The following FAM227A variants were observed in gnomAD, a reference collection of about 807,000 sequenced individuals.
The protein encoded by FAM227A is family with sequence similarity 227 member A.
FAM227A carries 80 observed loss-of-function variants against 74.7 expected under a neutral mutation model. The ratio of observed to expected loss-of-function variants is 1.07; its 90% CI spans 0.89 to 1.29. The LOEUF is 1.29. Among genes scored for constraint, FAM227A ranks in the 50% most tolerant of loss-of-function variants. The pLI, the probability that FAM227A is intolerant of heterozygous loss-of-function variation, is 0.00. For missense variants in FAM227A, 654 were observed against 683.4 expected, an observed-to-expected ratio of 0.96 and a Z score of 0.48; for synonymous variants, 237 against 241.8, an observed-to-expected ratio of 0.98 and a Z score of 0.19.
intron 5 of FAM227A, among the ~76,000 whole-genome samples, chr22:38,637,274 T>A (rs1339700855): frequency 6.6e-6 from 1 of 152,208 alleles, no homozygotes; most frequent in Non-Finnish European, 1.5e-5. Flanking sequence ...TATATCCTGT[T>A]AAGACGTGCT....
chr22:38,626,889 AAAATATATATATATAT>A lies in FAM227A; in HGVS notation c.727-602_727-587del, dbSNP rs1476499712. ...TCAAAAAAAAAAAAAAAAAAAAAAA[AAAATATATATATATAT>A]ATATATATACACGTATATATATTCT... On this transcript the variant is annotated intron_variant, in intron 8 of 16. Transcript: ENST00000535113. Among the ~76,000 whole-genome samples the A allele has an allele frequency of 1.7e-3, 144 of 86,488 alleles. 2 individuals are homozygous for A. The highest frequency in any genetic ancestry group is 7.6e-3 in the African/African-American group (135 of 17,874). 56.7% of individuals were successfully genotyped at this position (86,488 alleles called of 152,430 possible).
chr22:38,587,458 C>G (rs1026920740), intron 16 of FAM227A, among the ~76,000 whole-genome samples: 2 of 151,950 alleles, frequency 1.3e-5, no homozygotes, highest in Non-Finnish European at 2.9e-5. Flanking sequence ...AATACAAATG[C>G]CAATAAATTA....
intron 2 of FAM227A, among the ~76,000 whole-genome samples, chr22:38,647,361 C>T (rs895613886): frequency 3.3e-5 from 5 of 151,048 alleles, no homozygotes; most frequent in Admixed American, 3.3e-4. Flanking sequence ...GCTACTTGAG[C>T]GCTGAGGCAG....
intron 11 of FAM227A, among the ~76,000 whole-genome samples, chr22:38,619,574 T>C (rs1402007211): frequency 6.6e-6 from 1 of 152,194 alleles, no homozygotes; most frequent in Non-Finnish European, 1.5e-5. Flanking sequence ...TCTGCCTGCC[T>C]TGGGCTCCCA....
Position 38,653,136 on chromosome 22 carries a change from C to G in FAM227A, c.-94-2874G>C, listed in dbSNP as rs555070517. Among the ~76,000 whole-genome samples the G allele has an allele frequency of 3.3e-5, 5 of 152,200 alleles. 1 individual carries two copies. The East Asian group carries it at 9.7e-4, about 29-fold the overall frequency. ...CAGATGAGCTTCAACATTAGATTCTCATAGGAGTGCAAACCCTATTATGAA... is the reference window on the plus strand; with the variant it reads ...CAGATGAGCTTCAACATTAGATTCTGATAGGAGTGCAAACCCTATTATGAA... On this transcript the variant is annotated intron_variant, in intron 1 of 16. Coordinates refer to ENST00000535113, the MANE Select transcript of FAM227A (RefSeq NM_001013647.2).
rs569182375 is a variant in FAM227A, at chr22:38,640,180, C to T, written c.226-456G>A. 1.8e-4 allele frequency among the ~76,000 whole-genome samples: 28 copies of T among 152,084 alleles called. 1 individual carries two copies. In the East Asian group the frequency reaches 5.2e-3, roughly 28 times the overall value. ...TCCCGAGTAGCTGGGACTACAGGCGCCTGCCACCACGCCCGGCTAATTTTT... is the reference window on the plus strand; with the variant it reads ...TCCCGAGTAGCTGGGACTACAGGCGTCTGCCACCACGCCCGGCTAATTTTT... On this transcript the variant is annotated intron_variant, in intron 3 of 16. Transcript: ENST00000535113.
At chr22:38,647,126 G>A (rs184131216) in intron 2 of FAM227A, among the ~76,000 whole-genome samples, 89 of 150,606 alleles carry the variant, frequency 5.9e-4, no homozygotes, top group Admixed American at 1.2e-3. Context: ...TCCAGCCCGT[G>A]CGATGGTGCG....
intron 3 of FAM227A, among the ~76,000 whole-genome samples, 183 bp from the exon 4 acceptor site, chr22:38,639,907 CAG>C (rs770212520): frequency 5.3e-5 from 8 of 152,304 alleles, no homozygotes; most frequent in Non-Finnish European, 1.2e-4. Flanking sequence ...CATCATCCCC[CAG>C]AGTGTCCCCA....
chr22:38,597,170 G>A (rs369551466), intron 15 of FAM227A, 34 bp downstream of exon 15: 292 of 1,547,822 alleles, frequency 1.9e-4, no homozygotes, highest in Admixed American at 5.1e-4. Context: ...AGATAAGTGC[G>A]GAACAACGGC....
intron 16 of FAM227A, among the ~76,000 whole-genome samples, chr22:38,590,113 C>A (rs750003094): frequency 6.7e-6 from 1 of 150,048 alleles, no homozygotes; most frequent in African/African-American, 2.5e-5. Flanking sequence ...CAAAACAAAA[C>A]AAAAAAACGA....
intron 2 of FAM227A, 67 bp downstream of exon 2, chr22:38,649,960 A>C: frequency 7.0e-7 from 1 of 1,427,954 alleles, no homozygotes; most frequent in Non-Finnish European, 9.6e-7. Context: ...CACTGATTAG[A>C]TCTCTGTGGC....
At chr22:38,600,187 T>C (rs988927219) in intron 13 of FAM227A, among the ~76,000 whole-genome samples, 11 of 152,228 alleles carry the variant, frequency 7.2e-5, no homozygotes, top group African/African-American at 2.6e-4. Flanking sequence ...AGGAATGGTA[T>C]GTCACTATTA....
At chr22:38,654,258 G>A (rs910968397) in intron 1 of FAM227A, among the ~76,000 whole-genome samples, 5 of 152,022 alleles carry the variant, frequency 3.3e-5, no homozygotes, top group African/African-American at 1.2e-4. Context: ...TGAGGCAGGA[G>A]AATTGCTTGA....
chr22:38,600,219 A>G (rs1390658821), intron 13 of FAM227A, among the ~76,000 whole-genome samples: 1 of 152,098 alleles, frequency 6.6e-6, no homozygotes, highest in Non-Finnish European at 1.5e-5. Context: ...AAGAGTTGAT[A>G]ACCTAAAAAA....
At chr22:38,613,113 AT>A (rs1333319289) in intron 11 of FAM227A, among the ~76,000 whole-genome samples, 3 of 93,728 alleles carry the variant, frequency 3.2e-5, no homozygotes, top group African/African-American at 4.9e-5. Flanking sequence ...AATTATATAT[AT>A]ATTATATATA....
Position 38,648,443 on chromosome 22 carries a change from T to C in FAM227A, c.142+1584A>G, listed in dbSNP as rs142469797. On this transcript the variant is annotated intron_variant, in intron 2 of 16. Transcript: ENST00000535113. Reference sequence around the variant, plus strand: ...ACCAACATGGAGAAACCCTGTCTCTTCTAAAAATACAAAATTAGCCAGACG... The same window carrying C: ...ACCAACATGGAGAAACCCTGTCTCTCCTAAAAATACAAAATTAGCCAGACG... Among the ~76,000 whole-genome samples, 157 of 147,294 alleles carry C rather than the reference T, an allele frequency of 1.1e-3. 2 individuals are homozygous for C. The East Asian group carries it at 0.027, about 25-fold the overall frequency.
chr22:38,639,408 C>CG (rs202225596), intron 4 of FAM227A, among the ~76,000 whole-genome samples: 5,727 of 128,172 alleles, frequency 0.045, 196 homozygotes, highest in East Asian at 0.1. Flanking sequence ...GACTCCGTCT[C>CG]GAAAAAAAAA....
In FAM227A at chr22:38,580,938, C is replaced by G. The variant is rs985413197; in HGVS notation, c.*5187G>C. On this transcript the variant is annotated 3_prime_UTR_variant, in exon 17 of 17. Transcript: ENST00000535113. ...GGATTCCAGGCATGCACCACCACGC[C>G]TGGCTGATTTTTGTATTTTTAGTAG... The G allele has an allele frequency of 2.6e-5, 4 of 152,198 alleles. No homozygotes were observed. Among genetic ancestry groups the G allele is most frequent in the Admixed American group, 2.6e-4 (4 of 15,278 alleles). 9.4% of individuals were successfully genotyped at this position (152,198 alleles called of 1,614,324 possible).
At chr22:38,653,468 C>G (rs924783868) in intron 1 of FAM227A, among the ~76,000 whole-genome samples, 8 of 151,846 alleles carry the variant, frequency 5.3e-5, no homozygotes, top group African/African-American at 1.9e-4. Context: ...ACTCCGCCTC[C>G]TGGGTTCAAG....
Sources: allele counts gnomAD v4.1 joint callset (sites outside exome capture counted in the v4.1 genomes callset), GRCh38; gene constraint gnomAD v4.1.1; transcripts MANE v1.5; gene names NCBI Gene and HGNC (gene_info 2026-07-23, HGNC 2026-07-21).